The following CACNA1A variants were observed in gnomAD, a reference collection of about 807,000 sequenced individuals.
The protein encoded by CACNA1A is calcium voltage-gated channel subunit alpha1 A, also known as voltage-dependent P/Q-type calcium channel subunit alpha-1A.
Under a neutral mutation model 262.4 loss-of-function variants are expected in CACNA1A, and 57 were observed. The observed-to-expected ratio is 0.22, with a 90% CI of 0.18 to 0.27. The LOEUF (loss-of-function observed/expected upper bound fraction) is 0.27. Among genes scored for constraint, CACNA1A ranks in the 10% least tolerant of loss-of-function variants. The pLI is 1.00. For missense variants in CACNA1A, 2,526 were observed against 3,562.8 expected (o/e 0.71, Z 7.41); for synonymous variants, 1,431 against 1,419.3 (o/e 1.01, Z -0.18).
At chr19:13,489,003 CTTT>C (rs896790084) in intron 1 of CACNA1A, among the ~76,000 whole-genome samples, 83 of 75,210 alleles carry the variant, frequency 1.1e-3, no homozygotes, top group African/African-American at 3.6e-3. Context: ...CTTTTCTTTT[CTTT>C]TTTTTTTTTT....
At chr19:13,436,677 AC>A (rs1475374894) in intron 3 of CACNA1A, among the ~76,000 whole-genome samples, 4 of 152,190 alleles carry the variant, frequency 2.6e-5, no homozygotes, top group African/African-American at 9.6e-5. Flanking sequence ...TTCTGTCTTT[AC>A]CCCCCAGAGG....
At chr19:13,219,885 G>C (rs951112100) in intron 38 of CACNA1A, among the ~76,000 whole-genome samples, 3 of 151,576 alleles carry the variant, frequency 2.0e-5, no homozygotes, top group African/African-American at 7.3e-5. Flanking sequence ...GGGAGATGGA[G>C]GTTGCAGTGA....
At chr19:13,380,793 T>A (rs1022973051) in intron 3 of CACNA1A, among the ~76,000 whole-genome samples, 5 of 139,282 alleles carry the variant, frequency 3.6e-5, no homozygotes, top group African/African-American at 7.7e-5. Flanking sequence ...TTATTTATTT[T>A]GAGACAGGGT....
chr19:13,294,833 G>A (rs544088060), intron 19 of CACNA1A, among the ~76,000 whole-genome samples: 1 of 152,064 alleles, frequency 6.6e-6, no homozygotes, highest in Non-Finnish European at 1.5e-5. Context: ...GAGTGCTGTG[G>A]TAAACACTTT....
At chr19:13,430,956 G>A (rs1258325819) in intron 3 of CACNA1A, among the ~76,000 whole-genome samples, 1 of 151,970 alleles carries the variant, frequency 6.6e-6, no homozygotes, top group Non-Finnish European at 1.5e-5. Context: ...GGAACAGCCT[G>A]TGCAAAGGCC....
chr19:13,255,075 G>T lies in CACNA1A; in HGVS notation c.4755+20C>A, dbSNP rs1191623960. 1 of 1,613,056 alleles carries T rather than the reference G, an allele frequency of 6.2e-7. No individual in the cohort carries two copies. Among genetic ancestry groups the T allele is most frequent in the South Asian group, 1.1e-5 (1 of 91,050 alleles). Reference sequence around the variant, plus strand: ...GAGGTGGGGGTTAAGTAGTGCTGGGGGCTGGTGTGGGGCACTTACCTTCAT... The same window carrying T: ...GAGGTGGGGGTTAAGTAGTGCTGGGTGCTGGTGTGGGGCACTTACCTTCAT... On this transcript the variant is annotated intron_variant, in intron 29 of 46. Transcript: ENST00000360228.
intron 6 of CACNA1A, among the ~76,000 whole-genome samples, chr19:13,357,717 A>G (rs1328803654): frequency 6.6e-6 from 1 of 152,192 alleles, no homozygotes; most frequent in African/African-American, 2.4e-5. Flanking sequence ...TTATAAATGC[A>G]TTTAGGCTGG....
At chr19:13,292,558 G>A (rs981240322) in intron 19 of CACNA1A, among the ~76,000 whole-genome samples, 5 of 152,136 alleles carry the variant, frequency 3.3e-5, no homozygotes, top group Admixed American at 2.6e-4. Context: ...AGGCTGCAGT[G>A]AGCCATGATT....
chr19:13,389,961 C>T (rs920863975), intron 3 of CACNA1A, among the ~76,000 whole-genome samples: 1 of 151,930 alleles, frequency 6.6e-6, no homozygotes, highest in Non-Finnish European at 1.5e-5. Context: ...TACAGGCATG[C>T]GCCACCATGC....
chr19:13,459,234 T>C (rs2061071512), intron 1 of CACNA1A, among the ~76,000 whole-genome samples: 1 of 152,308 alleles, frequency 6.6e-6, no homozygotes, highest in Middle Eastern at 3.4e-3. Context: ...AGTCTCCTCT[T>C]CTGCCCTGGA....
chr19:13,338,351 TA>T lies in CACNA1A; in HGVS notation c.979-2443del, dbSNP rs148663892. ...GACCAAAATGCCATTGTGCAGTGTATAACTGTATGTACCTTTGCCAACACCC... is the reference window on the plus strand; with the variant it reads ...GACCAAAATGCCATTGTGCAGTGTATACTGTATGTACCTTTGCCAACACCC... On this transcript the variant is annotated intron_variant, in intron 6 of 46. Transcript: ENST00000360228. Among the ~76,000 whole-genome samples, 603 of 152,336 alleles carry T rather than the reference TA, an allele frequency of 4.0e-3. 12 individuals carry two copies. The East Asian group carries it at 0.058, about 15-fold the overall frequency.
chr19:13,233,646 C>G (rs913883693), intron 34 of CACNA1A, among the ~76,000 whole-genome samples: 10 of 152,008 alleles, frequency 6.6e-5, no homozygotes, highest in African/African-American at 2.4e-4. Context: ...TGGCACTATG[C>G]CCAGTTAATT....
chr19:13,490,705 GAAA>G (rs1980693318), intron 1 of CACNA1A, among the ~76,000 whole-genome samples: 1 of 22,728 alleles, frequency 4.4e-5, no homozygotes, highest in Non-Finnish European at 1.1e-4. Context: ...AAGAAAGAAA[GAAA>G]GAAAGAAAGA....
chr19:13,281,611 T>C (rs941712334), intron 22 of CACNA1A, among the ~76,000 whole-genome samples: 1 of 151,386 alleles, frequency 6.6e-6, no homozygotes, highest in Non-Finnish European at 1.5e-5. Context: ...TCCCCCCTCC[T>C]GTCGTGACAA....
intron 3 of CACNA1A, among the ~76,000 whole-genome samples, chr19:13,376,209 AC>A (rs1395687367): frequency 2.6e-5 from 4 of 152,360 alleles, no homozygotes; most frequent in Admixed American, 1.3e-4. Flanking sequence ...AGCTGGCAAC[AC>A]TGAATAATAG....
In CACNA1A at chr19:13,365,465, T is replaced by C. The variant is rs765072424; in HGVS notation, c.636A>G (p.Leu212=). 1.9e-6 allele frequency: 3 copies of C among 1,613,372 alleles called. No homozygotes were observed. In the Admixed American group the frequency reaches 5.0e-5, roughly 27 times the overall value. ...TCATGATCGACTTCAGGACGACTTG[T>C]AAACCTGGGGGGACACAGAGAGAGG... is the stretch of plus-strand genomic sequence containing the variant. ...PLKLVSGIPS[L]QVVLKSIMKA... is the part of the protein sequence containing the mutation. Residue 212 remains leucine, a synonymous_variant, in exon 5 of 47, where the codon TTA becomes TTG. Transcript: ENST00000360228.
chr19:13,367,196 G>A (rs749028608), intron 4 of CACNA1A, among the ~76,000 whole-genome samples: 6 of 150,376 alleles, frequency 4.0e-5, no homozygotes, highest in Non-Finnish European at 7.4e-5. Context: ...TTGGGAGGCT[G>A]AGGAAGGAGA....
chr19:13,449,879 G>A (rs558948627), intron 3 of CACNA1A, among the ~76,000 whole-genome samples: 16 of 152,236 alleles, frequency 1.1e-4, no homozygotes, highest in Admixed American at 5.9e-4. Flanking sequence ...AGTGGCTTAC[G>A]CCTGTAATCC....
At chr19:13,222,026 C>G (rs1400408606) in intron 38 of CACNA1A, among the ~76,000 whole-genome samples, 1 of 152,122 alleles carries the variant, frequency 6.6e-6, no homozygotes, top group African/African-American at 2.4e-5. Flanking sequence ...TCTGCCTCAG[C>G]CTCCCTAGTA....
Sources: allele counts gnomAD v4.1 joint callset (sites outside exome capture counted in the v4.1 genomes callset), GRCh38; gene constraint gnomAD v4.1.1; transcripts MANE v1.5; gene names NCBI Gene and HGNC (gene_info 2026-07-23, HGNC 2026-07-21).